The following TAFA1 variants were observed in gnomAD, a reference collection of about 807,000 sequenced individuals.
The protein encoded by TAFA1 is TAFA chemokine like family member 1.
In TAFA1, 4 loss-of-function variants were observed where a neutral mutation model predicts 18.5. The ratio of observed to expected loss-of-function variants is 0.22; its 90% CI spans 0.11 to 0.49. The LOEUF is 0.49. Ranked by LOEUF, TAFA1 falls within the 20% of genes least tolerant of loss-of-function variation. The pLI is 0.98. For missense variants in TAFA1, 147 were observed against 169.0 expected, an observed-to-expected ratio of 0.87 and a Z score of 0.72; for synonymous variants, 56 against 55.2, an observed-to-expected ratio of 1.01 and a Z score of -0.06.
At chr3:68,052,850 T>C (rs2106706529) in intron 2 of TAFA1, among the ~76,000 whole-genome samples, 1 of 152,296 alleles carries the variant, frequency 6.6e-6, no homozygotes, top group South Asian at 2.1e-4. Context: ...TTATGTGACT[T>C]ACTAATTAAT....
At chr3:68,296,574 CA>C (rs5849817) in intron 2 of TAFA1, among the ~76,000 whole-genome samples, 128,201 of 149,536 alleles carry the variant, frequency 0.86, 54,967 homozygotes, top group East Asian at 0.97. Flanking sequence ...GATACTTACT[CA>C]AAAAAAAAAA....
chr3:68,431,075 G>A lies in TAFA1; in HGVS notation c.259+13655G>A, dbSNP rs73109101. On this transcript the variant is annotated intron_variant, in intron 3 of 4. Transcript: ENST00000478136. ...ATGGATTGACAACACCATGTTGTAT[G>A]TAGCTCCCTCCCTAACCCCCTACAA... Among the ~76,000 whole-genome samples the A allele has an allele frequency of 5.0e-3, 767 of 152,018 alleles. 2 individuals are homozygous for A. The highest frequency in any genetic ancestry group is 7.6e-3 in the Non-Finnish European group (513 of 67,912).
intron 2 of TAFA1, among the ~76,000 whole-genome samples, chr3:68,038,785 T>C (rs1054766103): frequency 6.6e-6 from 1 of 152,216 alleles, no homozygotes; most frequent in African/African-American, 2.4e-5. Context: ...TTAGCCAAGA[T>C]GTTTTTGAAT....
the TAFA1 span, among the ~76,000 whole-genome samples, chr3:67,996,150 T>C: frequency 6.6e-6 from 1 of 152,196 alleles, no homozygotes; most frequent in African/African-American, 2.4e-5. Context: ...CTAGTCTCCG[T>C]ACCTCATTTG....
chr3:68,085,264 C>T (rs375764141), intron 2 of TAFA1, among the ~76,000 whole-genome samples: 31 of 152,274 alleles, frequency 2.0e-4, no homozygotes, highest in Middle Eastern at 3.4e-3. Flanking sequence ...TGGAGACATT[C>T]AATTAAAGAA....
chr3:68,237,259 G>A (rs2066938654), intron 2 of TAFA1, among the ~76,000 whole-genome samples: 1 of 152,160 alleles, frequency 6.6e-6, no homozygotes, highest in Non-Finnish European at 1.5e-5. Context: ...GAAGGAACAA[G>A]GCAACTCTCT....
chr3:68,267,352 G>T (rs1326092658), intron 2 of TAFA1, among the ~76,000 whole-genome samples: 1 of 152,106 alleles, frequency 6.6e-6, no homozygotes, highest in African/African-American at 2.4e-5. Context: ...TTCTACTTAG[G>T]TTCCATGGTT....
At chr3:68,514,919 T>C (rs1416538711) in intron 3 of TAFA1, among the ~76,000 whole-genome samples, 1 of 152,000 alleles carries the variant, frequency 6.6e-6, no homozygotes, top group Non-Finnish European at 1.5e-5. Context: ...TTTTTATTGG[T>C]AGCAATTTGG....
At chr3:68,121,585 T>C (rs955575630) in intron 2 of TAFA1, among the ~76,000 whole-genome samples, 5 of 152,226 alleles carry the variant, frequency 3.3e-5, no homozygotes, top group African/African-American at 1.2e-4. Context: ...CCAGCTGGGA[T>C]ACTAAATTCT....
chr3:68,018,441 A>G (rs1238675553), intron 2 of TAFA1, among the ~76,000 whole-genome samples: 1 of 152,240 alleles, frequency 6.6e-6, no homozygotes, highest in Non-Finnish European at 1.5e-5. Context: ...CAAACCTAAG[A>G]TAGTAATTAT....
intron 2 of TAFA1, among the ~76,000 whole-genome samples, chr3:68,100,626 T>C (rs991505911): frequency 6.6e-6 from 1 of 152,196 alleles, no homozygotes; most frequent in African/African-American, 2.4e-5. Context: ...CATTTATCAT[T>C]CAATGATTCC....
At chr3:68,187,546 T>C (rs1575668452) in intron 2 of TAFA1, among the ~76,000 whole-genome samples, 1 of 152,032 alleles carries the variant, frequency 6.6e-6, no homozygotes, top group East Asian at 1.9e-4. Context: ...CACAGTATGA[T>C]TACAGGACAA....
At chr3:68,228,703 C>T (rs1355957132) in intron 2 of TAFA1, among the ~76,000 whole-genome samples, 1 of 152,188 alleles carries the variant, frequency 6.6e-6, no homozygotes, top group Non-Finnish European at 1.5e-5. Flanking sequence ...TCAATATATG[C>T]AAGTTTAATG....
chr3:68,038,399 G>A (rs1291030385), intron 2 of TAFA1, among the ~76,000 whole-genome samples: 2 of 152,168 alleles, frequency 1.3e-5, no homozygotes, highest in Non-Finnish European at 2.9e-5. Context: ...ATTCTGTATC[G>A]AGGTCAGTGT....
intron 3 of TAFA1, among the ~76,000 whole-genome samples, chr3:68,476,581 CA>C (rs2072100668): frequency 6.6e-6 from 1 of 152,138 alleles, no homozygotes; most frequent in South Asian, 2.1e-4. Flanking sequence ...TAATAATTGT[CA>C]TTTTTCAAGT....
At chr3:68,202,524 A>G (rs1045906157) in intron 2 of TAFA1, among the ~76,000 whole-genome samples, 1 of 151,716 alleles carries the variant, frequency 6.6e-6, no homozygotes, top group African/African-American at 2.4e-5. Flanking sequence ...ACGCTATACT[A>G]AAGACTTATT....
At chr3:68,473,734 CT>C (rs757521683) in intron 3 of TAFA1, among the ~76,000 whole-genome samples, 3 of 152,186 alleles carry the variant, frequency 2.0e-5, no homozygotes, top group Non-Finnish European at 4.4e-5. Flanking sequence ...GTCTTGATCA[CT>C]TGGCTTTCTA....
chr3:68,333,624 C>A (rs936212795), intron 2 of TAFA1, among the ~76,000 whole-genome samples: 1 of 152,114 alleles, frequency 6.6e-6, no homozygotes, highest in Non-Finnish European at 1.5e-5. Context: ...CCTAAAATAA[C>A]AGTTTTTTAA....
At chr3:68,465,966 C>T (rs894631259) in intron 3 of TAFA1, among the ~76,000 whole-genome samples, 1 of 152,064 alleles carries the variant, frequency 6.6e-6, no homozygotes, top group African/African-American at 2.4e-5. Flanking sequence ...TAACAAAAGA[C>T]GATTGGATAT....
Sources: gnomAD v4.1 joint callset for allele counts (sites outside exome capture counted in the v4.1 genomes callset) on GRCh38, gnomAD v4.1.1 for gene constraint, MANE v1.5 for transcripts, NCBI Gene and HGNC (gene_info 2026-07-23, HGNC 2026-07-21) for gene names.